Variants in METTL27 observed in about 807,000 individuals in gnomAD.
The protein encoded by METTL27 is methyltransferase like 27, also known as methyltransferase-like protein 27.
A neutral mutation model predicts 24.5 loss-of-function variants in METTL27; 29 were observed. That is an observed-to-expected ratio of 1.18 (90% CI 0.88 to 1.61). The LOEUF (loss-of-function observed/expected upper bound fraction) is 1.61, where lower values mean the gene tolerates loss of function less well. Ranked by LOEUF, METTL27 falls within the 40% of genes most tolerant of loss-of-function variation. The pLI, the probability that METTL27 is intolerant of heterozygous loss-of-function variation, is 0.00. For missense variants in METTL27, 341 were observed against 324.3 expected (o/e 1.05, Z -0.40); for synonymous variants, 138 against 146.8 (o/e 0.94, Z 0.43).
At chr7:73,842,288 C>T in intron 1 of METTL27, 144 bp from the exon 2 acceptor site, 2 of 1,353,698 alleles carry the variant, frequency 1.5e-6, no homozygotes, top group Non-Finnish European at 2.0e-6. Context: ...CAGATGGGGA[C>T]ACTGAGCGCA....
At chr7:73,841,952 T>G (rs1640507833) in intron 2 of METTL27, 66 bp downstream of exon 2, 3 of 1,612,600 alleles carry the variant, frequency 1.9e-6, no homozygotes, top group Admixed American at 1.7e-5. Context: ...GCAAGGCTGA[T>G]TCCCCACTTT....
At chr7:73,840,226 G>T in intron 4 of METTL27, 106 bp from the exon 5 acceptor site, 1 of 1,447,768 alleles carries the variant, frequency 6.9e-7, no homozygotes, top group Non-Finnish European at 9.3e-7. Context: ...GCTACTACCC[G>T]CATCTGCAGG....
chr7:73,840,388 G>A (rs1349762589), intron 4 of METTL27, 26 bp downstream of exon 4: 2 of 1,556,708 alleles, frequency 1.3e-6, no homozygotes, highest in African/African-American at 1.4e-5. Flanking sequence ...GTGGGCCTCG[G>A]GGTGTGGAGG....
chr7:73,840,138 G>GCATTTATACCACCTGACTCCCAGACT lies in METTL27; in HGVS notation c.389-19_389-18insAGTCTGGGAGTCAGGTGGTATAAATG. The GCATTTATACCACCTGACTCCCAGACT allele has an allele frequency of 6.8e-7, 1 of 1,459,942 alleles. No individual in the cohort carries two copies. The allele number at this position is 1,459,942 out of a possible 1,614,324, so 90.4% of individuals were successfully genotyped here. A position where few individuals can be genotyped will look rare whatever the true frequency, so the allele number is the denominator to read the frequency against. On this transcript the variant is annotated intron_variant, in intron 4 of 5. Transcript: ENST00000297873. ...GAAGGTCCCTGTGTGTGTGTGGGGGGGGGTGGGGACATGGTGTGATGCTTG... is the reference window on the plus strand; with the variant it reads ...GAAGGTCCCTGTGTGTGTGTGGGGGGCATTTATACCACCTGACTCCCAGACTGGGTGGGGACATGGTGTGATGCTTG...
rs781823744 is a variant in METTL27 at position 73,834,758 on chromosome 7, G to A, written c.723C>T (p.Pro241=). Residue 241 remains proline (P), a synonymous_variant, in exon 6 of 6, where the codon CCC becomes CCT. Transcript: ENST00000297873. ...GGGCTGGATCTCACTTCCTCAACCT[G>A]GGTCGCCTTCCACTTTCGGTACAGG... ...LSTCTESGRR[P]RLRK The A allele has an allele frequency of 1.3e-5, 21 of 1,613,986 alleles. No individual in the cohort carries two copies. The highest frequency in any genetic ancestry group is 1.7e-5 in the Non-Finnish European group (20 of 1,179,966).
intron 5 of METTL27, 105 bp from the exon 6 acceptor site, chr7:73,835,107 A>C: frequency 1.4e-6 from 2 of 1,446,676 alleles, no homozygotes; most frequent in Non-Finnish European, 1.8e-6. Flanking sequence ...TCGACTTAAA[A>C]GATTGGGGAC....
intron 4 of METTL27, 79 bp from the exon 5 acceptor site, chr7:73,840,199 C>G (rs782130583): frequency 6.8e-5 from 103 of 1,508,572 alleles, no homozygotes; most frequent in Non-Finnish European, 8.7e-5. Context: ...CTCAGACCAC[C>G]CTAGGGGTGG....
intron 2 of METTL27, among the ~76,000 whole-genome samples, chr7:73,841,515 C>T (rs770241946): frequency 1.3e-5 from 2 of 148,850 alleles, no homozygotes; most frequent in South Asian, 2.1e-4. Flanking sequence ...CTCTGTCACT[C>T]GGGCTGGAGT....
chr7:73,841,777 G>T (rs1489954056), intron 2 of METTL27, among the ~76,000 whole-genome samples: 1 of 151,998 alleles, frequency 6.6e-6, no homozygotes, highest in African/African-American at 2.4e-5. Flanking sequence ...ACCGCGCCCG[G>T]CCCCACAGTG....
At chr7:73,841,976 T>TG (rs1554636522) in intron 2 of METTL27, 42 bp downstream of exon 2, 1 of 1,613,252 alleles carries the variant, frequency 6.2e-7, no homozygotes, top group Admixed American at 1.7e-5. Flanking sequence ...GGTAGAAAAA[T>TG]GGAGGCTGGT....
At chr7:73,835,596 CCCAAAGTG>C (rs1459087941) in intron 5 of METTL27, among the ~76,000 whole-genome samples, 2 of 145,302 alleles carry the variant, frequency 1.4e-5, no homozygotes, top group African/African-American at 5.0e-5. Context: ...GCCTTGGCCT[CCCAAAGTG>C]CCGAGATTGC....
Position 73,840,551 on chromosome 7 carries a change from TG to T in METTL27, c.253-3del. On this transcript the variant is annotated splice_polypyrimidine_tract_variant and splice_region_variant and intron_variant, in intron 3 of 5. Transcript: ENST00000297873. ...CTGGAGGAAGCCTGGAGCCCGCAGC[TG>T]GGGTAGGGGTGGGAGACTCAGTCAT... 1.3e-6 allele frequency: 2 copies of T among 1,585,650 alleles called. No individual in the cohort carries two copies. The highest frequency in any genetic ancestry group is 1.2e-5 in the South Asian group (1 of 86,706).
chr7:73,842,259 C>A, intron 1 of METTL27, 115 bp from the exon 2 acceptor site: 1 of 1,457,326 alleles, frequency 6.9e-7, no homozygotes, highest in South Asian at 1.4e-5. Context: ...CAGCGCGACC[C>A]CTATCCCGGC....
At chr7:73,835,172 C>T (rs1397309010) in intron 5 of METTL27, 170 bp from the exon 6 acceptor site, 1 of 766,390 alleles carries the variant, frequency 1.3e-6, no homozygotes, top group Non-Finnish European at 1.9e-6. Flanking sequence ...CCTCTCCCTC[C>T]TCTCCCTCCT....
At chr7:73,835,871 T>C (rs1231588356) in intron 5 of METTL27, among the ~76,000 whole-genome samples, 1 of 129,646 alleles carries the variant, frequency 7.7e-6, no homozygotes, top group Non-Finnish European at 1.7e-5. Context: ...CGCCGCCCCG[T>C]CTGGGATGTG....
Position 73,834,617 on chromosome 7 carries a change from G to T in METTL27, c.*126C>A. 1 of 764,440 alleles carries T rather than the reference G, an allele frequency of 1.3e-6. No individual in the cohort carries two copies. The allele number at this position is 764,440 out of a possible 1,614,324, so 47.4% of individuals were successfully genotyped here. A position where few individuals can be genotyped will look rare whatever the true frequency, so the allele number is the denominator to read the frequency against. ...TTCTGGGAGCTCATTTAATAGGCAG[G>T]GCATTTCTGAGGGGCAGGGTTGGTT... On this transcript the variant is annotated 3_prime_UTR_variant, in exon 6 of 6. Transcript: ENST00000297873.
chr7:73,835,118 G>A (rs1788125891), intron 5 of METTL27, 116 bp from the exon 6 acceptor site: 19 of 1,388,832 alleles, frequency 1.4e-5, no homozygotes, highest in Admixed American at 5.9e-5. Flanking sequence ...GATTGGGGAC[G>A]CTCTCTCCCT....
chr7:73,834,975 G>A lies in METTL27; in HGVS notation c.506C>T (p.Thr169Ile). 1 of 1,612,818 alleles carries A rather than the reference G, an allele frequency of 6.2e-7. No individual in the cohort carries two copies. The highest frequency in any genetic ancestry group is 8.5e-7 in the Non-Finnish European group (1 of 1,179,814). The change falls in exon 6 of 6, where the codon ACC (threonine) becomes ATC (isoleucine). Residue 169 changes from threonine (T) to isoleucine (I), a missense_variant. By Grantham distance (89) the Thr-to-Ile change is moderately conservative. Transcript: ENST00000297873. ...PGGLVCLTTR[T>I]NSSNLQYKEA... is the part of the protein sequence containing the mutation. The stretch of plus-strand genomic sequence containing the variant: ...CTTGTATTGAAGGTTGGACGAGTTG[G>A]TCCTGGTGGTCAGACACACCAGCCC...
chr7:73,837,323 A>AT (rs1350017652), intron 5 of METTL27, among the ~76,000 whole-genome samples: 13 of 146,168 alleles, frequency 8.9e-5, no homozygotes, highest in African/African-American at 2.3e-4. Flanking sequence ...AAAATAAAAA[A>AT]AAATAAAAAG....
Sources: gnomAD v4.1 joint callset for allele counts (sites outside exome capture counted in the v4.1 genomes callset) on GRCh38, gnomAD v4.1.1 for gene constraint, MANE v1.5 for transcripts, NCBI Gene and HGNC (gene_info 2026-07-23, HGNC 2026-07-21) for gene names.